The following ZFP91 variants were observed in gnomAD, a reference collection of about 807,000 sequenced individuals.
ZFP91 encodes the protein E3 ubiquitin-protein ligase ZFP91.
ZFP91 carries 7 observed loss-of-function variants against 63.5 expected under a neutral mutation model. That is an observed-to-expected ratio of 0.11 (90% confidence interval 0.06 to 0.21). ZFP91 has a LOEUF of 0.21. ZFP91 is among the 10% of genes least tolerant of loss of function. ZFP91 has a pLI of 1.00. For synonymous variants in ZFP91, 330 were observed against 272.1 expected (o/e 1.21, Z -2.10); for missense variants, 628 against 736.6 (o/e 0.85, Z 1.71).
chr11:58,593,031 C>T (rs756250921), intron 2 of ZFP91, among the ~76,000 whole-genome samples: 1 of 152,132 alleles, frequency 6.6e-6, no homozygotes, highest in African/African-American at 2.4e-5. Flanking sequence ...TCACCTATTA[C>T]CACAGGGATG....
In ZFP91 at chr11:58,612,343, C is replaced by A. The variant is rs560163236; in HGVS notation, c.908+15C>A. Reference sequence around the variant, plus strand: ...CCCAAAAGGAGGTGAGGAATTTTTACCCCTACTGTTTTACACCTTATTCCA... The same window carrying A: ...CCCAAAAGGAGGTGAGGAATTTTTAACCCTACTGTTTTACACCTTATTCCA... On this transcript the variant is annotated intron_variant, in intron 7 of 10. Coordinates refer to ENST00000316059, the MANE Select transcript of ZFP91 (RefSeq NM_053023.5). 8 of 1,612,984 alleles carry A rather than the reference C, an allele frequency of 5.0e-6. No homozygotes were observed. Among genetic ancestry groups the A allele is most frequent in the Non-Finnish European group, 5.9e-6 (7 of 1,179,308 alleles).
At position 58,619,976 on chromosome 11, in the gene ZFP91, G is replaced by C. The variant is rs1283900744; in HGVS notation, c.*2270G>C. 1 of 152,122 alleles carries C rather than the reference G, an allele frequency of 6.6e-6. No individual in the cohort carries two copies. The highest frequency in any genetic ancestry group is 1.5e-5 in the Non-Finnish European group (1 of 68,024). The allele number at this position is 152,122 out of a possible 1,614,324, so 9.4% of individuals were successfully genotyped here. On this transcript the variant is annotated 3_prime_UTR_variant, in exon 11 of 11. Coordinates refer to ENST00000316059, the MANE Select transcript of ZFP91 (RefSeq NM_053023.5). ...TTTCATTTGCAGTGGTTAGTCATCA[G>C]ATATTTTAGCCACCTACACAAAAGC...
chr11:58,593,419 C>T (rs1054139681), intron 2 of ZFP91, among the ~76,000 whole-genome samples: 34 of 152,142 alleles, frequency 2.2e-4, no homozygotes, highest in Admixed American at 9.8e-4. Flanking sequence ...ATTAGTGCTA[C>T]GCTTGTATAT....
rs1333224407 is a variant in ZFP91 at position 58,617,872 on chromosome 11, T to A, written c.*166T>A. The stretch of plus-strand genomic sequence containing the variant: ...CATACATACACCCTCCACCTCCCCA[T>A]CCCCTGTTCTCCCTCTGTTGCTCCC... On this transcript the variant is annotated 3_prime_UTR_variant, in exon 11 of 11. Coordinates refer to ENST00000316059, the MANE Select transcript of ZFP91 (RefSeq NM_053023.5). This position sits in a 1 kb window ranked among gnomAD's most constrained non-coding sequence, Gnocchi z 4.2. 3.7e-6 allele frequency: 3 copies of A among 818,342 alleles called. No individual in the cohort carries two copies. The highest frequency in any genetic ancestry group is 5.0e-6 in the Non-Finnish European group (3 of 600,532). The allele number at this position is 818,342 out of a possible 1,614,324, so 50.7% of individuals were successfully genotyped here. A position where few individuals can be genotyped will look rare whatever the true frequency, so the allele number is the denominator to read the frequency against.
At chr11:58,607,093 A>G (rs749273719) in intron 2 of ZFP91, among the ~76,000 whole-genome samples, 39 of 152,116 alleles carry the variant, frequency 2.6e-4, no homozygotes, top group Non-Finnish European at 5.4e-4. Flanking sequence ...TTGTGGGCAT[A>G]CCATCCTTTC....
At chr11:58,599,241 A>G (rs926834781) in intron 2 of ZFP91, among the ~76,000 whole-genome samples, 2 of 151,990 alleles carry the variant, frequency 1.3e-5, no homozygotes, top group Admixed American at 1.3e-4. Context: ...CAATTTGGGT[A>G]TTGAGAATTG....
chr11:58,610,183 T>C (rs1855635847), intron 3 of ZFP91, 115 bp from the exon 4 acceptor site: 2 of 1,420,378 alleles, frequency 1.4e-6, no homozygotes, highest in Non-Finnish European at 9.7e-7. Flanking sequence ...TTTGCAGATA[T>C]TCTGCTTTTG....
At chr11:58,589,655 C>G (rs573158781) in intron 2 of ZFP91, among the ~76,000 whole-genome samples, 4 of 152,252 alleles carry the variant, frequency 2.6e-5, no homozygotes, top group African/African-American at 9.6e-5. Context: ...TTTTGTTTGT[C>G]CTTCCTTCCT....
Position 58,584,783 on chromosome 11 carries a change from C to T in ZFP91, c.342-73C>T, listed in dbSNP as rs1289597146. 7 of 1,340,536 alleles carry T rather than the reference C, an allele frequency of 5.2e-6. No homozygotes were observed. In the Admixed American group the frequency reaches 1.3e-4, roughly 25 times the overall value. 83.0% of individuals were successfully genotyped at this position (1,340,536 alleles called of 1,614,324 possible). On this transcript the variant is annotated intron_variant, in intron 1 of 10. Transcript: ENST00000316059. ...CTTTCTTTATCACTCTGGAGGTGAACCTGAAAGAGATATTTATATTTTCAG... is the reference window on the plus strand; with the variant it reads ...CTTTCTTTATCACTCTGGAGGTGAATCTGAAAGAGATATTTATATTTTCAG...
intron 2 of ZFP91, among the ~76,000 whole-genome samples, chr11:58,603,240 G>A (rs1855519825): frequency 6.6e-6 from 1 of 152,154 alleles, no homozygotes; most frequent in Non-Finnish European, 1.5e-5. Flanking sequence ...GTTTCTTCTT[G>A]CTTATATACT....
chr11:58,579,677 CCT>C, intron 1 of ZFP91, 55 bp downstream of exon 1: 1 of 1,440,012 alleles, frequency 6.9e-7, no homozygotes, highest in Non-Finnish European at 9.1e-7. Context: ...CGTACGCAAC[CCT>C]CTCGGCTCCC....
intron 5 of ZFP91, 125 bp downstream of exon 5, chr11:58,611,179 T>TA: frequency 1.4e-6 from 1 of 707,334 alleles, no homozygotes; most frequent in Non-Finnish European, 2.3e-6. Flanking sequence ...AGTAATTAAT[T>TA]ATGCACTTCT....
chr11:58,601,003 T>C (rs1369335846), intron 2 of ZFP91, among the ~76,000 whole-genome samples: 1 of 152,238 alleles, frequency 6.6e-6, no homozygotes, highest in Non-Finnish European at 1.5e-5. Flanking sequence ...CCTGTCTCAA[T>C]TGATTATAGT....
intron 2 of ZFP91, among the ~76,000 whole-genome samples, chr11:58,598,254 T>C (rs890608632): frequency 6.6e-6 from 1 of 152,156 alleles, no homozygotes; most frequent in African/African-American, 2.4e-5. Context: ...TATATTTGTG[T>C]ATATTTTACA....
chr11:58,582,880 C>T (rs1325259912), intron 1 of ZFP91, among the ~76,000 whole-genome samples: 1 of 151,910 alleles, frequency 6.6e-6, no homozygotes, highest in African/African-American at 2.4e-5. Context: ...TCATTGTGCT[C>T]AAGAGAAGCA....
intron 2 of ZFP91, among the ~76,000 whole-genome samples, chr11:58,588,021 G>T (rs181207123): frequency 6.6e-6 from 1 of 152,182 alleles, no homozygotes; most frequent in East Asian, 1.9e-4. Flanking sequence ...TTTGAGTAAT[G>T]TGCAGTGTAA....
intron 2 of ZFP91, among the ~76,000 whole-genome samples, chr11:58,592,259 A>AT (rs1300071027): frequency 1.3e-5 from 2 of 150,776 alleles, no homozygotes; most frequent in African/African-American, 2.4e-5. Context: ...AATTTTTTGT[A>AT]TTTTTTTAGT....
chr11:58,587,775 A>G (rs1184560021), intron 2 of ZFP91, among the ~76,000 whole-genome samples: 3 of 152,164 alleles, frequency 2.0e-5, no homozygotes, highest in Admixed American at 2.0e-4. Flanking sequence ...CATGTTATGA[A>G]GCCTAATTTT....
rs537565673 is a variant in ZFP91, at chr11:58,584,520, C to T, written c.342-336C>T. 3.5e-3 allele frequency among the ~76,000 whole-genome samples: 539 copies of T among 152,088 alleles called. 2 individuals carry two copies. The highest frequency in any genetic ancestry group is 5.9e-3 in the Non-Finnish European group (400 of 67,902). On this transcript the variant is annotated intron_variant, in intron 1 of 10. Coordinates refer to ENST00000316059, the MANE Select transcript of ZFP91 (RefSeq NM_053023.5). ...AATGTAACAAAATTAGTAATATTTT[C>T]TTTGTATCAATATCTTAGTTAAAAA...
Sources: allele counts gnomAD v4.1 joint callset (sites outside exome capture counted in the v4.1 genomes callset), GRCh38; gene constraint gnomAD v4.1.1; non-coding constraint Gnocchi (gnomAD v3.1); transcripts MANE v1.5; gene names NCBI Gene and HGNC (gene_info 2026-07-23, HGNC 2026-07-21).